The following APOB variants were observed in gnomAD, a reference collection of about 807,000 sequenced individuals.
The protein encoded by APOB is apolipoprotein B, also known as apolipoprotein B-100.
Under a neutral mutation model 314.1 loss-of-function variants are expected in APOB, and 153 were observed. The observed-to-expected ratio is 0.49, with a 90% CI of 0.43 to 0.56. APOB has a LOEUF of 0.56. Ranked by LOEUF, APOB falls within the 20% of genes least tolerant of loss-of-function variation. The probability of loss-of-function intolerance (pLI) is 0.00; values close to 1 mark genes in which losing one functional copy is unlikely to be tolerated. For synonymous variants in APOB, 2,087 were observed against 2,036.4 expected (o/e 1.02, Z -0.67); for missense variants, 5,430 against 5,350.7 (o/e 1.01, Z -0.46).
chr2:21,007,762 A>G lies in APOB; in HGVS notation c.9106T>C (p.Ser3036Pro). ...AATGGCTGGGCTGAAAAGAAAAGAG[A>G]ATTTTTCAAAGTTCCAATAACCTTT... ...NGKVIGTLKN[S>P]LFFSAQPFEI... is the part of the protein sequence containing the mutation. Residue 3036 changes from serine (S) to proline (P), a missense_variant, in exon 26 of 29, where the codon TCT (serine) becomes CCT (proline). Physicochemically the swap from Ser to Pro is moderately conservative, Grantham distance 74. This residue lies in a region of APOB where 3,281 missense variants were observed against 3,171.0 expected (regional missense o/e 1.03). Transcript: ENST00000233242. 2 of 1,613,984 alleles carry G rather than the reference A, an allele frequency of 1.2e-6. No individual in the cohort carries two copies. The highest frequency in any genetic ancestry group is 1.7e-6 in the Non-Finnish European group (2 of 1,179,940).
In APOB at chr2:21,035,622, G is replaced by C; in HGVS notation, c.780C>G (p.Ile260Met). ...GCAGGAAGAGGTGTTGCTCCTTGCA[G>C]ATGGCTTCTGCCACATGCTTCCTCT... ...DAKRKHVAEAICKEQHLFLPF... is the reference protein window; with the variant it reads ...DAKRKHVAEAMCKEQHLFLPF... The change falls in exon 7 of 29, where the codon ATC (isoleucine) becomes ATG (methionine). Residue 260 changes from isoleucine to methionine, a missense_variant. This residue lies in a region of APOB where 2,085 missense variants were observed against 2,079.7 expected (regional missense o/e 1.00). Transcript: ENST00000233242. 6.2e-7 allele frequency: 1 copy of C among 1,614,120 alleles called. No homozygotes were observed. The highest frequency in any genetic ancestry group is 1.1e-5 in the South Asian group (1 of 91,076).
At chr2:21,018,030 C>T (rs1215604911) in intron 20 of APOB, among the ~76,000 whole-genome samples, 2 of 152,172 alleles carry the variant, frequency 1.3e-5, no homozygotes, top group Non-Finnish European at 2.9e-5. Flanking sequence ...TAGCCCTTTC[C>T]ATCTCAATAA....
At position 21,006,384 on chromosome 2, in the gene APOB, G is replaced by A. The variant is rs1222074837; in HGVS notation, c.10484C>T (p.Ser3495Phe). The stretch of plus-strand genomic sequence containing the variant: ...CGAACCCTTGACATCTCCTTTGGTA[G>A]ATGACTCAATGGAAAAGTAAGAGGT... The part of the protein sequence containing the change: ...SLTSYFSIES[S>F]TKGDVKGSVL... Residue 3495 changes from serine to phenylalanine, a missense_variant, in exon 26 of 29, where the codon TCT becomes TTT. By Grantham distance (155) the Ser-to-Phe change is radical. This residue lies in a region of APOB where 3,281 missense variants were observed against 3,171.0 expected (regional missense o/e 1.03). Coordinates refer to ENST00000233242, the MANE Select transcript of APOB (RefSeq NM_000384.3). The A allele has an allele frequency of 1.9e-6, 3 of 1,614,020 alleles. No individual in the cohort carries two copies. Among genetic ancestry groups the A allele is most frequent in the African/African-American group, 1.3e-5 (1 of 75,018 alleles).
chr2:21,020,966 T>C (rs571062717), intron 18 of APOB, among the ~76,000 whole-genome samples: 2 of 152,330 alleles, frequency 1.3e-5, no homozygotes, highest in Admixed American at 1.3e-4. Context: ...ATTTCTGTCC[T>C]CATCTCTCAT....
chr2:21,004,857 T>C (rs1350590707), intron 26 of APOB, among the ~76,000 whole-genome samples, 182 bp from the exon 27 acceptor site: 1 of 152,222 alleles, frequency 6.6e-6, no homozygotes, highest in Non-Finnish European at 1.5e-5. Flanking sequence ...CCTAAAATAA[T>C]TACAGAAAAA....
chr2:21,018,991 CCTT>C lies in APOB; in HGVS notation c.3119_3121del (p.Glu1040del), dbSNP rs1367930698. ...GAGGCAGCTGTGTTTTGAATACTCACCTTCTGCTTGAGTTACAAACTTCAGGGT... is the reference window on the plus strand; with the variant it reads ...GAGGCAGCTGTGTTTTGAATACTCACCTGCTTGAGTTACAAACTTCAGGGT... On this transcript the variant is annotated inframe_deletion and splice_region_variant, in exon 20 of 29. Transcript: ENST00000233242. 1 of 1,614,004 alleles carries C rather than the reference CCTT, an allele frequency of 6.2e-7. No homozygotes were observed. The highest frequency in any genetic ancestry group is 2.2e-5 in the East Asian group (1 of 44,838).
chr2:21,032,663 G>T, intron 9 of APOB, 82 bp from the exon 10 acceptor site: 1 of 1,131,658 alleles, frequency 8.8e-7, no homozygotes, highest in Non-Finnish European at 1.3e-6. Flanking sequence ...CCTCTGCCAG[G>T]AGAGCCCTTA....
At chr2:21,031,870 AAAAC>A (rs1200357713) in intron 10 of APOB, among the ~76,000 whole-genome samples, 1 of 152,132 alleles carries the variant, frequency 6.6e-6, no homozygotes, top group Non-Finnish European at 1.5e-5. Flanking sequence ...ACAACAAAAA[AAAAC>A]AAAACAAACA....
intron 9 of APOB, 99 bp downstream of exon 9, chr2:21,033,200 T>C: frequency 1.2e-6 from 1 of 868,814 alleles, no homozygotes; most frequent in Non-Finnish European, 1.9e-6. Context: ...ACTGGATTGA[T>C]ATCCAAATGG....
At position 21,041,017 on chromosome 2, in the gene APOB, C is replaced by T. The variant is rs771921277; in HGVS notation, c.304G>A (p.Val102Met). ...TTGCCCTCAGGGTTGAAGCCATACACCTCTTTCAGGGTGCACTGGCTGGTC... is the reference window on the plus strand; with the variant it reads ...TTGCCCTCAGGGTTGAAGCCATACATCTCTTTCAGGGTGCACTGGCTGGTC... The part of the protein sequence containing the change: ...LKTSQCTLKE[V>M]YGFNPEGKAL... Residue 102 changes from valine (V) to methionine (M), a missense_variant, in exon 4 of 29, where the codon GTG becomes ATG. Physicochemically the swap from Val to Met is conservative, Grantham distance 21 (BLOSUM62 1). Transcript: ENST00000233242. 2.5e-6 allele frequency: 4 copies of T among 1,613,766 alleles called. No individual in the cohort carries two copies. Among genetic ancestry groups the T allele is most frequent in the Non-Finnish European group, 3.4e-6 (4 of 1,179,964 alleles).
Position 21,011,137 on chromosome 2 carries a change from T to C in APOB, c.5731A>G (p.Thr1911Ala). Residue 1911 changes from threonine (T) to alanine (A), a missense_variant, in exon 26 of 29, where the codon ACA becomes GCA. Physicochemically the swap from Thr to Ala is moderately conservative, Grantham distance 58. Coordinates refer to ENST00000233242, the MANE Select transcript of APOB (RefSeq NM_000384.3). ...APFTMTIDAHTNGNGKLALWG... is the reference protein window; with the variant it reads ...APFTMTIDAHANGNGKLALWG... ...AGAGCGAGTTTCCCATTGCCATTTG[T>C]ATGTGCATCGATGGTCATGGTAAAC... 1 of 1,614,186 alleles carries C rather than the reference T, an allele frequency of 6.2e-7. No homozygotes were observed. Among genetic ancestry groups the C allele is most frequent in the East Asian group, 2.2e-5 (1 of 44,878 alleles).
In APOB at chr2:21,033,313, C is replaced by A. The variant is rs764822266; in HGVS notation, c.1110G>T (p.Leu370=). 6.2e-7 allele frequency: 1 copy of A among 1,613,844 alleles called. No homozygotes were observed. Among genetic ancestry groups the A allele is most frequent in the Non-Finnish European group, 8.5e-7 (1 of 1,179,696 alleles). ...DEAVTSLLPQ[L]IEVSSPITLQ... ...CCATTAGATACCTGGACACCTCAAT[C>A]AGCTGTGGCAAGAGAGATGTGACTG... The change falls in exon 9 of 29, where the codon CTG becomes CTT. Residue 370 remains leucine, a synonymous_variant. Coordinates refer to ENST00000233242, the MANE Select transcript of APOB (RefSeq NM_000384.3).
At position 21,006,349 on chromosome 2, in the gene APOB, G is replaced by A. The variant is rs754264874; in HGVS notation, c.10519C>T (p.Arg3507Trp). The A allele has an allele frequency of 9.9e-6, 16 of 1,613,842 alleles. No individual in the cohort carries two copies. Among genetic ancestry groups the A allele is most frequent in the African/African-American group, 4.0e-5 (3 of 74,886 alleles). The change falls in exon 26 of 29, where the codon CGG (arginine) becomes TGG (tryptophan). Residue 3507 changes from arginine (R) to tryptophan (W), a missense_variant. This residue lies in a region of APOB where 3,281 missense variants were observed against 3,171.0 expected (regional missense o/e 1.03). Coordinates refer to ENST00000233242, the MANE Select transcript of APOB (RefSeq NM_000384.3). ...CTAGCAATAGTTCCTGAATATTCCC[G>A]AGAAAGAACCGAACCCTTGACATCT... is the stretch of plus-strand genomic sequence containing the variant. ...KGDVKGSVLS[R>W]EYSGTIASEA...
Position 21,004,318 on chromosome 2 carries a change from A to G in APOB, c.12038T>C (p.Met4013Thr), listed in dbSNP as rs144922840. 6.9e-5 allele frequency: 112 copies of G among 1,613,876 alleles called. No homozygotes were observed. Among genetic ancestry groups the G allele is most frequent in the Non-Finnish European group, 9.0e-5 (106 of 1,179,934 alleles). ...SPAVGTVGMDMDEDDDFSKWN... is the reference protein window; with the variant it reads ...SPAVGTVGMDTDEDDDFSKWN... ...TTTAGAAAAGTCGTCATCTTCATCC[A>G]TATCCATGCCCACGGTGCCTACGGC... The change falls in exon 28 of 29, where the codon ATG becomes ACG. Residue 4013 changes from methionine to threonine, a missense_variant. Met to Thr is a moderately conservative substitution (Grantham distance 81). Around this residue, in one of 3 missense-constraint regions of APOB, gnomAD observed 3,281 missense variants for 3,171.0 expected, o/e 1.03. Transcript: ENST00000233242.
Position 21,002,352 on chromosome 2 carries a change from T to C in APOB, c.13070A>G (p.His4357Arg), listed in dbSNP as rs745849591. The C allele has an allele frequency of 6.2e-7, 1 of 1,611,582 alleles. No individual in the cohort carries two copies. The highest frequency in any genetic ancestry group is 8.5e-7 in the Non-Finnish European group (1 of 1,179,100). Reference sequence around the variant, plus strand: ...GTTTTGAATAAATTCATTGAACTTATGAAGATTAAGGCATAGGTTTTCTTT... The same window carrying C: ...GTTTTGAATAAATTCATTGAACTTACGAAGATTAAGGCATAGGTTTTCTTT... ...LLKENLCLNL[H>R]KFNEFIQNEL... The change falls in exon 29 of 29, where the codon CAT (histidine) becomes CGT (arginine). Residue 4357 changes from histidine to arginine, a missense_variant. His to Arg is a conservative substitution (Grantham distance 29). Coordinates refer to ENST00000233242, the MANE Select transcript of APOB (RefSeq NM_000384.3).
In APOB at chr2:21,011,901, G is replaced by A. The variant is rs1165705991; in HGVS notation, c.4967C>T (p.Ala1656Val). The change falls in exon 26 of 29, where the codon GCA becomes GTA. Residue 1656 changes from alanine to valine, a missense_variant. Physicochemically the swap from Ala to Val is moderately conservative, Grantham distance 64. Around this residue, in one of 3 missense-constraint regions of APOB, gnomAD observed 2,085 missense variants for 2,079.7 expected, o/e 1.00. Transcript: ENST00000233242. The stretch of plus-strand genomic sequence containing the variant: ...GAGACTACACTTCAAGTTGGTCGTT[G>A]CACTGGTAGATATTCCATCTTGGCC... ...RIGQDGISTS[A>V]TTNLKCSLLV... 2 of 1,613,898 alleles carry A rather than the reference G, an allele frequency of 1.2e-6. No homozygotes were observed. The highest frequency in any genetic ancestry group is 2.2e-5 in the East Asian group (1 of 44,884).
chr2:21,022,755 G>T (rs2103369927), intron 18 of APOB, 76 bp downstream of exon 18: 1 of 1,412,260 alleles, frequency 7.1e-7, no homozygotes, highest in Non-Finnish European at 1.0e-6. Flanking sequence ...CAACTGTTTA[G>T]CCTGGCAAAA....
Position 21,037,260 on chromosome 2 carries a change from G to C in APOB, c.538-5C>G, listed in dbSNP as rs1558575747. The C allele has an allele frequency of 8.7e-6, 14 of 1,614,066 alleles. No individual in the cohort carries two copies. The highest frequency in any genetic ancestry group is 1.2e-5 in the Non-Finnish European group (14 of 1,179,982). ...GCAGTTTCCATACACGGTATCCTAT[G>C]GAGGAAGAAGATGCAACCACATGTA... is the stretch of plus-strand genomic sequence containing the variant. On this transcript the variant is annotated splice_region_variant and splice_polypyrimidine_tract_variant and intron_variant, in intron 5 of 28. Coordinates refer to ENST00000233242, the MANE Select transcript of APOB (RefSeq NM_000384.3).
chr2:21,022,716 T>G (rs1455631947), intron 18 of APOB, 115 bp downstream of exon 18: 1 of 937,774 alleles, frequency 1.1e-6, no homozygotes, highest in Non-Finnish European at 1.7e-6. Flanking sequence ...ACTCCTCTCC[T>G]GCTTCCTCAG....
Sources: gnomAD v4.1 joint callset for allele counts (sites outside exome capture counted in the v4.1 genomes callset) on GRCh38, gnomAD v4.1.1 for gene constraint, gnomAD v4.1.1 regional missense constraint, MANE v1.5 for transcripts, NCBI Gene and HGNC (gene_info 2026-07-23, HGNC 2026-07-21) for gene names.